The following RAD21L1 variants were observed in gnomAD, a reference collection of about 807,000 sequenced individuals.
RAD21L1 encodes the protein RAD21 cohesin complex component like 1.
In RAD21L1, 47 loss-of-function variants were observed where a neutral mutation model predicts 69.0. The observed-to-expected ratio is 0.68, with a 90% CI of 0.54 to 0.87. RAD21L1 has a LOEUF of 0.87. Among genes scored for constraint, RAD21L1 ranks in the 40% least tolerant of loss-of-function variants. The probability of loss-of-function intolerance (pLI) is 0.00; values close to 1 mark genes in which losing one functional copy is unlikely to be tolerated. For synonymous variants in RAD21L1, 177 were observed against 205.8 expected (o/e 0.86, Z 1.20); for missense variants, 583 against 647.6 (o/e 0.90, Z 1.08).
rs1366668122 is a variant in RAD21L1, at chr20:1,248,667, G to C, written c.1443G>C (p.Trp481Cys). ...SNEENIETER[W>C]NGRILQMLNR... The stretch of plus-strand genomic sequence containing the variant: ...AAGAAAATATTGAGACAGAGAGATG[G>C]AATGGAAGAATACTTCAGATGTTAA... Residue 481 changes from tryptophan (W) to cysteine (C), a missense_variant, in exon 13 of 14, where the codon TGG becomes TGC. Transcript: ENST00000683101. The C allele has an allele frequency of 6.5e-7, 1 of 1,533,902 alleles. No homozygotes were observed. The highest frequency in any genetic ancestry group is 8.8e-7 in the Non-Finnish European group (1 of 1,135,372).
Position 1,229,933 on chromosome 20 carries a change from C to G in RAD21L1, c.198C>G (p.Ile66Met). ...SGHLLLGVVR[I>M]YNRKAKYLLA... is the part of the protein sequence containing the mutation. ...ACCTTCTTTTGGGAGTTGTTCGAATCTATAACAGGAAGGCAAAATATCTTT... is the reference window on the plus strand; with the variant it reads ...ACCTTCTTTTGGGAGTTGTTCGAATGTATAACAGGAAGGCAAAATATCTTT... The change falls in exon 3 of 14, where the codon ATC (isoleucine) becomes ATG (methionine). Residue 66 changes from isoleucine to methionine, a missense_variant. Ile to Met is a conservative substitution (Grantham distance 10). Transcript: ENST00000683101. The G allele has an allele frequency of 6.5e-7, 1 of 1,550,038 alleles. No homozygotes were observed. Among genetic ancestry groups the G allele is most frequent in the Non-Finnish European group, 8.7e-7 (1 of 1,145,538 alleles).
In RAD21L1 at chr20:1,255,056, A is replaced by T. The variant is rs895254752; in HGVS notation, c.*599A>T. On this transcript the variant is annotated 3_prime_UTR_variant, in exon 14 of 14. Transcript: ENST00000683101. The stretch of plus-strand genomic sequence containing the variant: ...ACTATTTGGTTGCAACGTATATCAT[A>T]CTTGATTTGACATAATGCCATGGTT... Among the ~76,000 whole-genome samples the T allele has an allele frequency of 3.9e-5, 6 of 152,330 alleles. No individual in the cohort carries two copies. The highest frequency in any genetic ancestry group is 1.4e-4 in the African/African-American group (6 of 41,572).
chr20:1,231,607 C>A lies in RAD21L1; in HGVS notation c.356C>A (p.Thr119Asn). Residue 119 changes from threonine (T) to asparagine (N), a missense_variant, in exon 4 of 14, where the codon ACC becomes AAC. By Grantham distance (65) the Thr-to-Asn change is moderately conservative. Transcript: ENST00000683101. ...TLPEEFHDFDTQNMNAIDVSE... is the reference protein window; with the variant it reads ...TLPEEFHDFDNQNMNAIDVSE... ...CCAGAAGAATTTCATGATTTTGACA[C>A]CCAAAATATGAAGTAAAATATTTTA... 2 of 1,425,756 alleles carry A rather than the reference C, an allele frequency of 1.4e-6. No homozygotes were observed. The highest frequency in any genetic ancestry group is 1.9e-6 in the Non-Finnish European group (2 of 1,039,228). The allele number at this position is 1,425,756 out of a possible 1,614,324, so 88.3% of individuals were successfully genotyped here.
chr20:1,234,875 G>A (rs993682273), intron 5 of RAD21L1, among the ~76,000 whole-genome samples: 42 of 152,076 alleles, frequency 2.8e-4, no homozygotes, highest in Non-Finnish European at 4.9e-4. Context: ...GAGTAGCTGG[G>A]ACTGCAAGTG....
chr20:1,249,681 G>A lies in RAD21L1; in HGVS notation c.1479+978G>A, dbSNP rs141782510. On this transcript the variant is annotated intron_variant, in intron 13 of 13. Transcript: ENST00000683101. ...AGCTGGGAAATGTAGTCTTTATTTG[G>A]TAAGCTTAGTCCCAACTAATAATTC... Among the ~76,000 whole-genome samples the A allele has an allele frequency of 3.0e-3, 455 of 152,186 alleles. 4 individuals carry two copies. The highest frequency in any genetic ancestry group is 0.011 in the African/African-American group (438 of 41,514).
intron 4 of RAD21L1, among the ~76,000 whole-genome samples, chr20:1,231,934 A>C (rs1172814076): frequency 6.6e-6 from 1 of 152,244 alleles, no homozygotes; most frequent in Non-Finnish European, 1.5e-5. Context: ...TGCTGGCCTC[A>C]TGGATCTTAA....
At chr20:1,243,769 G>A (rs2087666228) in intron 10 of RAD21L1, among the ~76,000 whole-genome samples, 1 of 152,142 alleles carries the variant, frequency 6.6e-6, no homozygotes, top group South Asian at 2.1e-4. Flanking sequence ...ACCACAATGG[G>A]CTTGAACTGT....
intron 4 of RAD21L1, among the ~76,000 whole-genome samples, chr20:1,232,661 G>A (rs1600216922): frequency 6.6e-6 from 1 of 152,138 alleles, no homozygotes; most frequent in Non-Finnish European, 1.5e-5. Context: ...ATTTAAAGGG[G>A]GCAGAGAGAA....
intron 12 of RAD21L1, among the ~76,000 whole-genome samples, chr20:1,248,131 G>A (rs1451956162): frequency 6.8e-6 from 1 of 146,452 alleles, no homozygotes; most frequent in South Asian, 2.2e-4. Context: ...AAGGCATCTC[G>A]AAATCTGAAA....
intron 8 of RAD21L1, among the ~76,000 whole-genome samples, chr20:1,241,844 C>T (rs1424961124): frequency 6.6e-6 from 1 of 152,186 alleles, no homozygotes; most frequent in Non-Finnish European, 1.5e-5. Flanking sequence ...ATCTAACCCT[C>T]TCTCCCCTTT....
rs533735879 is a variant in RAD21L1 at position 1,249,263 on chromosome 20, A to G, written c.1479+560A>G. Among the ~76,000 whole-genome samples the G allele has an allele frequency of 5.3e-5, 8 of 152,220 alleles. 1 individual carries two copies. Among genetic ancestry groups the G allele is most frequent in the South Asian group, 4.2e-4 (2 of 4,818 alleles). ...TTTCTTGGTATTTCAGCTTTAAACT[A>G]TATCTACTGAATTCTTTTGACAGAA... On this transcript the variant is annotated intron_variant, in intron 13 of 13. Transcript: ENST00000683101.
chr20:1,226,623 C>G (rs145818464), intron 1 of RAD21L1, among the ~76,000 whole-genome samples: 1 of 151,962 alleles, frequency 6.6e-6, no homozygotes, highest in Non-Finnish European at 1.5e-5. Context: ...TCCCTTCGCT[C>G]CCTCCCCGCC....
At chr20:1,236,687 A>G (rs1280092251) in intron 5 of RAD21L1, among the ~76,000 whole-genome samples, 1 of 152,210 alleles carries the variant, frequency 6.6e-6, no homozygotes, top group East Asian at 1.9e-4. Flanking sequence ...ACAACATCAT[A>G]GGGTTATTCC....
At position 1,246,161 on chromosome 20, in the gene RAD21L1, C is replaced by T. The variant is rs1408315238; in HGVS notation, c.1309-52C>T. 9.8e-6 allele frequency: 9 copies of T among 914,476 alleles called. No individual in the cohort carries two copies. Among genetic ancestry groups the T allele is most frequent in the Non-Finnish European group, 1.3e-5 (8 of 610,534 alleles). The allele number at this position is 914,476 out of a possible 1,614,324, so 56.6% of individuals were successfully genotyped here. A position where few individuals can be genotyped will look rare whatever the true frequency, so the allele number is the denominator to read the frequency against. On this transcript the variant is annotated intron_variant, in intron 11 of 13. Transcript: ENST00000683101. The surrounding 1 kb of genome is among the most constrained non-coding windows in gnomAD (Gnocchi z 4.6). Reference sequence around the variant, plus strand: ...AAGCATTTAATAAAATTAGATTGTTCCTGTATAACCACTGGCAGATTTACC... The same window carrying T: ...AAGCATTTAATAAAATTAGATTGTTTCTGTATAACCACTGGCAGATTTACC...
At chr20:1,243,874 A>G (rs2087668989) in intron 10 of RAD21L1, among the ~76,000 whole-genome samples, 172 bp from the exon 11 acceptor site, 1 of 152,150 alleles carries the variant, frequency 6.6e-6, no homozygotes, top group Non-Finnish European at 1.5e-5. Context: ...GAGGACAAGA[A>G]AGGGAAGATA....
intron 4 of RAD21L1, 35 bp downstream of exon 4, chr20:1,231,654 TTTC>T: frequency 9.5e-7 from 1 of 1,054,758 alleles, no homozygotes; most frequent in Non-Finnish European, 1.4e-6. Context: ...TCGATTTAAT[TTTC>T]TTGATATTTG....
Position 1,228,607 on chromosome 20 carries a change from T to C in RAD21L1, c.144+10T>C, listed in dbSNP as rs2087315151. On this transcript the variant is annotated intron_variant, in intron 2 of 13. Coordinates refer to ENST00000683101, the MANE Select transcript of RAD21L1 (RefSeq NM_001384355.1). Reference sequence around the variant, plus strand: ...AATTCTTTCACCCAAGGTATGTTACTGATTAAAATGATAGCTTGTATTTAT... The same window carrying C: ...AATTCTTTCACCCAAGGTATGTTACCGATTAAAATGATAGCTTGTATTTAT... 6.7e-7 allele frequency: 1 copy of C among 1,495,034 alleles called. No individual in the cohort carries two copies. The allele number at this position is 1,495,034 out of a possible 1,614,324, so 92.6% of individuals were successfully genotyped here. A position where few individuals can be genotyped will look rare whatever the true frequency, so the allele number is the denominator to read the frequency against.
intron 13 of RAD21L1, 100 bp downstream of exon 13, chr20:1,248,803 T>A: frequency 1.5e-6 from 1 of 686,694 alleles, no homozygotes; most frequent in Non-Finnish European, 2.3e-6. Flanking sequence ...TAATTTTCCT[T>A]ATTTTTTTGA....
In RAD21L1 at chr20:1,231,464, T is replaced by C; in HGVS notation, c.275-62T>C. On this transcript the variant is annotated intron_variant, in intron 3 of 13. Coordinates refer to ENST00000683101, the MANE Select transcript of RAD21L1 (RefSeq NM_001384355.1). ...TCCAGTAAAAGAATATAGAGTTAGT[T>C]GGGAGTTCTTTGTTTTATATAGCAT... 4 of 794,296 alleles carry C rather than the reference T, an allele frequency of 5.0e-6. No individual in the cohort carries two copies. In the South Asian group the frequency reaches 6.4e-5, roughly 13 times the overall value. The allele number at this position is 794,296 out of a possible 1,614,324, so 49.2% of individuals were successfully genotyped here.
Sources: gnomAD v4.1 joint callset for allele counts (sites outside exome capture counted in the v4.1 genomes callset) on GRCh38, gnomAD v4.1.1 for gene constraint, Gnocchi (gnomAD v3.1) non-coding constraint, MANE v1.5 for transcripts, NCBI Gene and HGNC (gene_info 2026-07-23, HGNC 2026-07-21) for gene names.